Variants in GABRB3 observed in about 807,000 individuals in gnomAD.
GABRB3 encodes gamma-aminobutyric acid type A receptor subunit beta3.
Under a neutral mutation model 52.1 loss-of-function variants are expected in GABRB3, and 14 were observed. The observed-to-expected ratio is 0.27, with a 90% CI of 0.18 to 0.42. The LOEUF (loss-of-function observed/expected upper bound fraction) is 0.42. GABRB3 is among the 10% of genes least tolerant of loss of function. GABRB3 has a pLI of 1.00. For missense variants in GABRB3, 307 were observed against 609.1 expected, an observed-to-expected ratio of 0.50 and a Z score of 5.22; for synonymous variants, 260 against 232.3, an observed-to-expected ratio of 1.12 and a Z score of -1.08.
intron 3 of GABRB3, among the ~76,000 whole-genome samples, chr15:26,765,148 C>G (rs1351113339): frequency 1.4e-5 from 1 of 73,188 alleles, no homozygotes; most frequent in African/African-American, 4.9e-5. Flanking sequence ...AAAAAAAAGT[C>G]AAAACTTCCC....
At chr15:26,571,655 G>A (rs548284848) in intron 6 of GABRB3, among the ~76,000 whole-genome samples, 46 of 152,192 alleles carry the variant, frequency 3.0e-4, no homozygotes, top group Non-Finnish European at 6.2e-4. Context: ...GGACCTTGAA[G>A]AAGAGAATAC....
chr15:26,717,248 C>A (rs1306030321), intron 3 of GABRB3, among the ~76,000 whole-genome samples: 1 of 150,586 alleles, frequency 6.6e-6, no homozygotes, highest in Non-Finnish European at 1.5e-5. Flanking sequence ...GACCTCCACC[C>A]TATGACAGCC....
At chr15:26,612,669 T>A (rs1176005816) in intron 4 of GABRB3, 1 of 152,230 alleles carries the variant, frequency 6.6e-6, no homozygotes, top group Non-Finnish European at 1.5e-5. Flanking sequence ...ATATAGTATA[T>A]CTTTTGCTCT....
At chr15:26,608,106 A>G (rs1162499918) in intron 4 of GABRB3, among the ~76,000 whole-genome samples, 4 of 151,518 alleles carry the variant, frequency 2.6e-5, no homozygotes, top group South Asian at 2.1e-4. Flanking sequence ...TACTGGCAAA[A>G]AAAAAAAAAA....
intron 3 of GABRB3, chr15:26,658,482 C>T (rs907782304): frequency 2.0e-5 from 3 of 152,226 alleles, no homozygotes; most frequent in African/African-American, 7.2e-5. Context: ...CCAGCCCATA[C>T]ACATCTGTCT....
rs1566834444 is a variant in GABRB3, at chr15:26,764,170, AAAAAAAAAAATATATATATATATAT to A, written c.240+8207_240+8231del. Reference sequence around the variant, plus strand: ...GTCTCAAAAAAAAAAAAAAAAAAAAAAAAAAAAAAATATATATATATATATATATATATATATATATATATATATA... The same window carrying A: ...GTCTCAAAAAAAAAAAAAAAAAAAAAATATATATATATATATATATATATA... On this transcript the variant is annotated intron_variant, in intron 3 of 8. Transcript: ENST00000311550. 6.2e-4 allele frequency among the ~76,000 whole-genome samples: 14 copies of A among 22,436 alleles called. 1 individual carries two copies. The highest frequency in any genetic ancestry group is 2.3e-3 in the South Asian group (1 of 432). 14.7% of individuals were successfully genotyped at this position (22,436 alleles called of 152,430 possible).
At chr15:26,754,816 C>CA (rs1890612766) in intron 3 of GABRB3, among the ~76,000 whole-genome samples, 1 of 152,166 alleles carries the variant, frequency 6.6e-6, no homozygotes, top group African/African-American at 2.4e-5. Flanking sequence ...GGGTTCCTCT[C>CA]AGTGCCAAGC....
chr15:26,717,012 AGCTCTTGGGACCTCCACC>A (rs1889500191), intron 3 of GABRB3, among the ~76,000 whole-genome samples: 1 of 120,162 alleles, frequency 8.3e-6, no homozygotes, highest in Non-Finnish European at 1.7e-5. Flanking sequence ...CAGACAGCCC[AGCTCTTGGGACCTCCACC>A]CAGCGACAGT....
At chr15:26,667,367 C>T (rs997016060) in intron 3 of GABRB3, among the ~76,000 whole-genome samples, 7 of 152,086 alleles carry the variant, frequency 4.6e-5, no homozygotes, top group Non-Finnish European at 1.0e-4. Flanking sequence ...CATTTTCATC[C>T]GCCCCCTTTC....
At chr15:26,740,631 C>T (rs781727060) in intron 3 of GABRB3, among the ~76,000 whole-genome samples, 5 of 152,156 alleles carry the variant, frequency 3.3e-5, no homozygotes, top group Non-Finnish European at 7.3e-5. Context: ...AGGAAGCCTC[C>T]CTGTCTCCAC....
intron 3 of GABRB3, among the ~76,000 whole-genome samples, chr15:26,705,128 G>A (rs1001502066): frequency 1.3e-5 from 2 of 152,144 alleles, no homozygotes; most frequent in African/African-American, 2.4e-5. Context: ...GATTTATAAC[G>A]AGCAGAAATG....
intron 3 of GABRB3, among the ~76,000 whole-genome samples, chr15:26,711,810 A>G (rs1889305911): frequency 6.6e-6 from 1 of 152,258 alleles, no homozygotes; most frequent in Admixed American, 6.5e-5. Context: ...TAATGAAATA[A>G]ACTAATGATT....
intron 3 of GABRB3, among the ~76,000 whole-genome samples, chr15:26,713,171 C>T (rs1258160640): frequency 6.6e-6 from 1 of 152,184 alleles, no homozygotes; most frequent in Non-Finnish European, 1.5e-5. Flanking sequence ...CCAGGTGGCG[C>T]TCAGCTCCTG....
chr15:26,601,815 T>C (rs1235884208), intron 4 of GABRB3, among the ~76,000 whole-genome samples: 1 of 151,812 alleles, frequency 6.6e-6, no homozygotes, highest in Non-Finnish European at 1.5e-5. Flanking sequence ...GCAAATCACC[T>C]TCACAAAAAG....
At chr15:26,642,657 AC>A (rs537452410) in intron 3 of GABRB3, 9 of 429,350 alleles carry the variant, frequency 2.1e-5, no homozygotes, top group East Asian at 1.5e-4. Flanking sequence ...ATGTAAGTGT[AC>A]CCCCCCGCAC....
chr15:26,560,229 A>G (rs959009257), intron 8 of GABRB3, among the ~76,000 whole-genome samples: 2 of 152,324 alleles, frequency 1.3e-5, no homozygotes, highest in African/African-American at 4.8e-5. Context: ...GCACAAGGAA[A>G]TATTTCAGAT....
At chr15:26,561,622 C>T (rs1416609219) in intron 7 of GABRB3, among the ~76,000 whole-genome samples, 1 of 152,258 alleles carries the variant, frequency 6.6e-6, no homozygotes, top group African/African-American at 2.4e-5. Flanking sequence ...GTGTCTGTGG[C>T]TGCAGAGGCA....
At chr15:26,696,111 T>A (rs1372602319) in intron 3 of GABRB3, among the ~76,000 whole-genome samples, 1 of 152,264 alleles carries the variant, frequency 6.6e-6, no homozygotes, top group Non-Finnish European at 1.5e-5. Flanking sequence ...CTTTGAGGTC[T>A]CTTCCCATAT....
intron 3 of GABRB3, among the ~76,000 whole-genome samples, chr15:26,726,545 A>C (rs1889776604): frequency 6.6e-6 from 1 of 152,168 alleles, no homozygotes; most frequent in African/African-American, 2.4e-5. Context: ...CATGATCTTG[A>C]CACCACTGAG....
Sources: allele counts gnomAD v4.1 joint callset (sites outside exome capture counted in the v4.1 genomes callset), GRCh38; gene constraint gnomAD v4.1.1; transcripts MANE v1.5; gene names NCBI Gene and HGNC (gene_info 2026-07-23, HGNC 2026-07-21).